The following SNX32 variants were observed in gnomAD, a reference collection of about 807,000 sequenced individuals.
SNX32 encodes the protein sorting nexin-32.
SNX32 carries 58 observed loss-of-function variants against 57.0 expected under a neutral mutation model. That is an observed-to-expected ratio of 1.02 (90% CI 0.82 to 1.27). The LOEUF (loss-of-function observed/expected upper bound fraction) is 1.27, where lower values mean the gene tolerates loss of function less well. Among genes scored for constraint, SNX32 ranks in the 50% most tolerant of loss-of-function variants. SNX32 has a pLI of 0.00. For synonymous variants in SNX32, 262 were observed against 220.4 expected, an observed-to-expected ratio of 1.19 and a Z score of -1.67; for missense variants, 589 against 541.2, an observed-to-expected ratio of 1.09 and a Z score of -0.88.
chr11:65,834,395 C>G (rs1360601469), intron 1 of SNX32, among the ~76,000 whole-genome samples: 1 of 144,854 alleles, frequency 6.9e-6, no homozygotes, highest in East Asian at 2.0e-4. Context: ...CTTTGTGTGT[C>G]TCTGTGTATC....
chr11:65,853,380 C>A lies in SNX32; in HGVS notation c.*45C>A. Reference sequence around the variant, plus strand: ...GACCCTAATCTGGGATCTCCAGTGACCAGGGTATCCCAGACCCCTCTCTCC... The same window carrying A: ...GACCCTAATCTGGGATCTCCAGTGAACAGGGTATCCCAGACCCCTCTCTCC... On this transcript the variant is annotated 3_prime_UTR_variant, in exon 13 of 13. Transcript: ENST00000308342. The A allele has an allele frequency of 7.0e-6, 11 of 1,582,182 alleles. No homozygotes were observed. The highest frequency in any genetic ancestry group is 9.6e-6 in the Non-Finnish European group (11 of 1,151,528).
At position 65,851,132 on chromosome 11, in the gene SNX32, G is replaced by GGCCGACCGCGTCATGCGC. The variant is rs1215037219; in HGVS notation, c.685_702dup (p.Asp229_Ala234dup). 9 of 1,613,196 alleles carry GGCCGACCGCGTCATGCGC rather than the reference G, an allele frequency of 5.6e-6. No individual in the cohort carries two copies. Among genetic ancestry groups the GGCCGACCGCGTCATGCGC allele is most frequent in the Non-Finnish European group, 7.6e-6 (9 of 1,180,006 alleles). ...CCCGTATCCGAGATGCCTGCCTGCGGGCCGACCGCGTCATGCGCGCCCACA... is the reference window on the plus strand; with the variant it reads ...CCCGTATCCGAGATGCCTGCCTGCGGGCCGACCGCGTCATGCGCGCCGACCGCGTCATGCGCGCCCACA... On this transcript the variant is annotated inframe_insertion, in exon 7 of 13. Transcript: ENST00000308342.
At chr11:65,850,105 T>C (rs200237782) in intron 3 of SNX32, 45 bp from the exon 4 acceptor site, 77 of 1,614,028 alleles carry the variant, frequency 4.8e-5, no homozygotes, top group South Asian at 3.3e-5. Flanking sequence ...GTGATGGCCG[T>C]CTCGGCAGTG....
intron 3 of SNX32, 49 bp from the exon 4 acceptor site, chr11:65,850,101 G>T (rs2134698550): frequency 6.2e-7 from 1 of 1,614,202 alleles, no homozygotes; most frequent in East Asian, 2.2e-5. Flanking sequence ...GGCTGTGATG[G>T]CCGTCTCGGC....
At position 65,833,973 on chromosome 11, in the gene SNX32, A is replaced by G; in HGVS notation, c.-93A>G. ...GGGGAGAGCGTCCCCGTCAGCTGAG[A>G]GCATCCTCACTCGGTCAGTTCCTCG... On this transcript the variant is annotated 5_prime_UTR_variant, in exon 1 of 13. Transcript: ENST00000308342. 1.4e-6 allele frequency: 2 copies of G among 1,417,268 alleles called. No homozygotes were observed. The highest frequency in any genetic ancestry group is 2.1e-5 in the Admixed American group (1 of 47,308). 87.8% of individuals were successfully genotyped at this position (1,417,268 alleles called of 1,614,324 possible).
At chr11:65,853,148 G>A (rs1859277298) in intron 12 of SNX32, 134 bp from the exon 13 acceptor site, 3 of 1,377,104 alleles carry the variant, frequency 2.2e-6, no homozygotes, top group Non-Finnish European at 3.1e-6. Context: ...CTTCTGGGTA[G>A]GAAGGCCCAA....
intron 1 of SNX32, among the ~76,000 whole-genome samples, chr11:65,839,933 C>T (rs1482570357): frequency 1.3e-5 from 2 of 151,480 alleles, no homozygotes; most frequent in Non-Finnish European, 2.9e-5. Flanking sequence ...CCGAGGTGGG[C>T]GGATCACCTG....
At position 65,852,726 on chromosome 11, in the gene SNX32, G is replaced by GC. The variant is rs929837431; in HGVS notation, c.1011dup (p.Glu338ArgfsTer39). On this transcript the variant is annotated frameshift_variant, in exon 11 of 13. Coordinates refer to ENST00000308342, the MANE Select transcript of SNX32 (RefSeq NM_152760.3). LOFTEE classifies it high-confidence loss of function. ...CACCAGGAACCGGGAGGTGCGGCCC[G>GC]CCGAGAGCCACCAGCAGCTGTGCTG... The GC allele has an allele frequency of 6.2e-7, 1 of 1,603,752 alleles. No individual in the cohort carries two copies. Among genetic ancestry groups the GC allele is most frequent in the African/African-American group, 1.3e-5 (1 of 74,850 alleles).
rs1433183830 is a variant in SNX32 at position 65,849,492 on chromosome 11, G to GGATCCTTCCT, written c.52_53insATCCTTCCTG (p.Val18AspfsTer18). On this transcript the variant is annotated frameshift_variant, in exon 2 of 13. Coordinates refer to ENST00000308342, the MANE Select transcript of SNX32 (RefSeq NM_152760.3). LOFTEE classifies it high-confidence loss of function. ...CTCCTCCGCAGCCTTCCTGTGCATC[G>GGATCCTTCCT]GTGGATCTGCAGGGAGACAGCTCCT... The GGATCCTTCCT allele has an allele frequency of 6.2e-7, 1 of 1,612,118 alleles. No homozygotes were observed. Among genetic ancestry groups the GGATCCTTCCT allele is most frequent in the African/African-American group, 1.3e-5 (1 of 74,944 alleles).
intron 1 of SNX32, among the ~76,000 whole-genome samples, chr11:65,844,078 T>G (rs1858921235): frequency 6.6e-6 from 1 of 152,208 alleles, no homozygotes; most frequent in Non-Finnish European, 1.5e-5. Context: ...GCTGTCACAG[T>G]GGTTTGTGCC....
chr11:65,850,065 G>A, intron 3 of SNX32, 35 bp downstream of exon 3: 2 of 1,614,154 alleles, frequency 1.2e-6, no homozygotes, highest in South Asian at 1.1e-5. Context: ...GGGAGGGACA[G>A]GCAGAGCACT....
rs1172520784 is a variant in SNX32, at chr11:65,849,550, C to T, written c.109C>T (p.Arg37Trp). The T allele has an allele frequency of 1.7e-5, 28 of 1,613,966 alleles. No homozygotes were observed. The highest frequency in any genetic ancestry group is 6.6e-5 in the South Asian group (6 of 91,086). Residue 37 changes from arginine (R) to tryptophan (W), a missense_variant, in exon 2 of 13, where the codon CGG becomes TGG. Coordinates refer to ENST00000308342, the MANE Select transcript of SNX32 (RefSeq NM_152760.3). ...QVEISDAVSERDKVKFTVQTK... is the reference protein window; with the variant it reads ...QVEISDAVSEWDKVKFTVQTK... Reference sequence around the variant, plus strand: ...GGAGATTTCTGACGCAGTGAGTGAGCGGGACAAGGTGAAATTCACTGTTCA... The same window carrying T: ...GGAGATTTCTGACGCAGTGAGTGAGTGGGACAAGGTGAAATTCACTGTTCA...
rs144471236 is a variant in SNX32, at chr11:65,844,107, C to T, written c.37-5371C>T. Among the ~76,000 whole-genome samples the T allele has an allele frequency of 3.8e-3, 582 of 152,018 alleles. 1 individual carries two copies. Among genetic ancestry groups the T allele is most frequent in the South Asian group, 0.013 (63 of 4,820 alleles). On this transcript the variant is annotated intron_variant, in intron 1 of 12. Transcript: ENST00000308342. ...TTGTGCCCAGACTGATCTATATATT[C>T]GATGCAATCACAATCAAAATCCCAG...
At chr11:65,846,515 G>C (rs969872375) in intron 1 of SNX32, among the ~76,000 whole-genome samples, 3 of 151,470 alleles carry the variant, frequency 2.0e-5, no homozygotes, top group Admixed American at 2.0e-4. Context: ...GCAGTGAGCT[G>C]AGATCGTGCC....
intron 1 of SNX32, among the ~76,000 whole-genome samples, chr11:65,838,595 G>C (rs1372630883): frequency 1.3e-5 from 2 of 152,144 alleles, no homozygotes. Context: ...TAAGGATTTA[G>C]AAGATTTAAA....
At chr11:65,845,216 G>T (rs1858958952) in intron 1 of SNX32, among the ~76,000 whole-genome samples, 1 of 151,508 alleles carries the variant, frequency 6.6e-6, no homozygotes, top group Non-Finnish European at 1.5e-5. Flanking sequence ...GAGGCGGGCG[G>T]ATCATGAGGT....
At chr11:65,850,970 A>G (rs1859167351) in intron 6 of SNX32, 85 bp from the exon 7 acceptor site, 19 of 1,508,936 alleles carry the variant, frequency 1.3e-5, no homozygotes, top group Non-Finnish European at 1.8e-5. Flanking sequence ...CCTGGTTTGG[A>G]AGGAGATTTT....
rs377266615 is a variant in SNX32, at chr11:65,852,798, G to A, written c.1072+9G>A. 2.6e-5 allele frequency: 42 copies of A among 1,609,194 alleles called. No homozygotes were observed. Among genetic ancestry groups the A allele is most frequent in the Middle Eastern group, 3.3e-4 (2 of 6,066 alleles). On this transcript the variant is annotated intron_variant, in intron 11 of 12. Coordinates refer to ENST00000308342, the MANE Select transcript of SNX32 (RefSeq NM_152760.3). ...CGACTCCGCCAAGCAAGGTGAGCCCGCAGCCCCCAGCCCCAGCCTGGGGCC... is the reference window on the plus strand; with the variant it reads ...CGACTCCGCCAAGCAAGGTGAGCCCACAGCCCCCAGCCCCAGCCTGGGGCC...
intron 1 of SNX32, among the ~76,000 whole-genome samples, chr11:65,838,892 A>T (rs1322062762): frequency 6.6e-6 from 1 of 152,072 alleles, no homozygotes; most frequent in Non-Finnish European, 1.5e-5. Flanking sequence ...TTATAATGGA[A>T]ATTAGAAAAT....
Sources: gnomAD v4.1 joint callset for allele counts (sites outside exome capture counted in the v4.1 genomes callset) on GRCh38, gnomAD v4.1.1 for gene constraint, MANE v1.5 for transcripts, NCBI Gene and HGNC (gene_info 2026-07-23, HGNC 2026-07-21) for gene names.